The following CPPED1 variants were observed in gnomAD, a reference collection of about 807,000 sequenced individuals.
CPPED1 encodes serine/threonine-protein phosphatase CPPED1.
In CPPED1, 28 loss-of-function variants were observed where a neutral mutation model predicts 28.0. That is an observed-to-expected ratio of 1.00 (90% CI 0.74 to 1.37). CPPED1 has a LOEUF of 1.37. CPPED1 is among the 40% of genes most tolerant of loss of function. The pLI, the probability that CPPED1 is intolerant of heterozygous loss-of-function variation, is 0.00. For synonymous variants in CPPED1, 198 were observed against 180.2 expected (o/e 1.10, Z -0.79); for missense variants, 504 against 416.5 (o/e 1.21, Z -1.83).
rs2079911411 is a variant in CPPED1, at chr16:12,682,611, T to C, written c.716-17496A>G. 6.6e-6 allele frequency among the ~76,000 whole-genome samples: 1 copy of C among 152,104 alleles called. No individual in the cohort carries two copies. The highest frequency in any genetic ancestry group is 2.4e-5 in the African/African-American group (1 of 41,402). On this transcript the variant is annotated intron_variant, in intron 3 of 3. Coordinates refer to ENST00000381774, the MANE Select transcript of CPPED1 (RefSeq NM_018340.3). This position sits in a 1 kb window ranked among gnomAD's most constrained non-coding sequence, Gnocchi z 6.1. ...CCTCATTTGGAAGGCAAGACTAGTATCAACCATCCCCAGGGCCACTGGGAA... is the reference window on the plus strand; with the variant it reads ...CCTCATTTGGAAGGCAAGACTAGTACCAACCATCCCCAGGGCCACTGGGAA...
chr16:12,756,376 T>A (rs2080368261), intron 2 of CPPED1, among the ~76,000 whole-genome samples: 3 of 152,134 alleles, frequency 2.0e-5, no homozygotes. Context: ...CAAACTACTC[T>A]GGGGCTGTGG....
At chr16:12,731,862 A>G (rs1330824155) in intron 2 of CPPED1, among the ~76,000 whole-genome samples, 3 of 149,198 alleles carry the variant, frequency 2.0e-5, no homozygotes, top group South Asian at 4.3e-4. Flanking sequence ...GGGGAGGAGG[A>G]AAAAAAAAAC....
chr16:12,765,015 A>G (rs1230304235), intron 2 of CPPED1, among the ~76,000 whole-genome samples: 2 of 152,248 alleles, frequency 1.3e-5, no homozygotes, highest in Non-Finnish European at 2.9e-5. Flanking sequence ...CATGTCTGTC[A>G]TATGAACTAT....
intron 2 of CPPED1, among the ~76,000 whole-genome samples, chr16:12,712,525 A>T (rs1054092140): frequency 2.6e-5 from 4 of 152,232 alleles, no homozygotes; most frequent in Non-Finnish European, 5.9e-5. Flanking sequence ...GAGAAGATAT[A>T]AACATTTAAA....
chr16:12,701,794 C>T (rs1476656686), intron 3 of CPPED1, among the ~76,000 whole-genome samples: 1 of 152,110 alleles, frequency 6.6e-6, no homozygotes, highest in Non-Finnish European at 1.5e-5. Context: ...AGTGGACAGG[C>T]TACAGAGACA....
chr16:12,689,560 G>T (rs914394357), intron 3 of CPPED1, among the ~76,000 whole-genome samples: 7 of 151,690 alleles, frequency 4.6e-5, no homozygotes, highest in African/African-American at 1.7e-4. Context: ...AACTGTTCAT[G>T]AATGGACTGC....
At chr16:12,734,757 A>G (rs2080218356) in intron 2 of CPPED1, among the ~76,000 whole-genome samples, 2 of 152,168 alleles carry the variant, frequency 1.3e-5, no homozygotes, top group South Asian at 4.1e-4. Flanking sequence ...TTCCCATGGC[A>G]TCACTCATCA....
intron 3 of CPPED1, among the ~76,000 whole-genome samples, chr16:12,665,979 T>G (rs2079823428): frequency 6.6e-6 from 1 of 151,940 alleles, no homozygotes; most frequent in Admixed American, 6.6e-5. Context: ...TAGGAGGGCC[T>G]GGTGGCGGGC....
Position 12,733,773 on chromosome 16 carries a change from G to A in CPPED1, c.290-28724C>T, listed in dbSNP as rs1048991873. On this transcript the variant is annotated intron_variant, in intron 2 of 3. Coordinates refer to ENST00000381774, the MANE Select transcript of CPPED1 (RefSeq NM_018340.3). The stretch of plus-strand genomic sequence containing the variant: ...TATCCACAAAATTAGCTCAACTCAC[G>A]AGGGTGGCTGCCTCTAGAAGTGAGC... Among the ~76,000 whole-genome samples, 3 of 152,160 alleles carry A rather than the reference G, an allele frequency of 2.0e-5. 1 individual carries two copies. In the South Asian group the frequency reaches 6.2e-4, roughly 32 times the overall value.
intron 2 of CPPED1, among the ~76,000 whole-genome samples, chr16:12,706,225 A>G (rs536540189): frequency 6.6e-6 from 1 of 152,096 alleles, no homozygotes; most frequent in South Asian, 2.1e-4. Flanking sequence ...TAAAAGCCTC[A>G]CATGTATTCA....
chr16:12,726,340 CTTTTTTTTTTTTT>C (rs35865113), intron 2 of CPPED1, among the ~76,000 whole-genome samples: 1 of 107,386 alleles, frequency 9.3e-6, no homozygotes, highest in Non-Finnish European at 1.8e-5. Context: ...GCACCCAGCC[CTTTTTTTTTTTTT>C]TTTTTTTAAT....
intron 2 of CPPED1, among the ~76,000 whole-genome samples, chr16:12,719,607 T>TTTTCCCTCC (rs1184019899): frequency 6.6e-6 from 1 of 152,086 alleles, no homozygotes; most frequent in Non-Finnish European, 1.5e-5. Context: ...AGGATTTGAT[T>TTTTCCCTCC]TTTCCCTCCA....
At chr16:12,677,492 T>C (rs1443389603) in intron 3 of CPPED1, among the ~76,000 whole-genome samples, 1 of 152,082 alleles carries the variant, frequency 6.6e-6, no homozygotes. Flanking sequence ...TACAGAAATG[T>C]GGATGTGGAT....
chr16:12,699,459 GCA>G (rs1297413313), intron 3 of CPPED1, among the ~76,000 whole-genome samples: 7 of 152,054 alleles, frequency 4.6e-5, no homozygotes, highest in Non-Finnish European at 1.0e-4. Context: ...GTGGTCCACT[GCA>G]CAGTGACACC....
In CPPED1 at chr16:12,768,692, C is replaced by A. The variant is rs1416767759; in HGVS notation, c.289+12493G>T. ...GGGAGGAAACCAGTTTTTTCATGAA[C>A]TTCTGATATTTAGCATTTCCTTCTA... is the stretch of plus-strand genomic sequence containing the variant. On this transcript the variant is annotated intron_variant, in intron 2 of 3. Coordinates refer to ENST00000381774, the MANE Select transcript of CPPED1 (RefSeq NM_018340.3). Among the ~76,000 whole-genome samples the A allele has an allele frequency of 5.9e-5, 9 of 152,182 alleles. No homozygotes were observed. In the East Asian group the frequency reaches 1.7e-3, roughly 29 times the overall value.
At chr16:12,725,695 G>T (rs1485069062) in intron 2 of CPPED1, among the ~76,000 whole-genome samples, 1 of 152,132 alleles carries the variant, frequency 6.6e-6, no homozygotes, top group East Asian at 1.9e-4. Context: ...GAGACCTCGT[G>T]TTCAAATCTC....
intron 3 of CPPED1, among the ~76,000 whole-genome samples, chr16:12,687,399 C>T (rs946339568): frequency 1.3e-5 from 2 of 152,184 alleles, no homozygotes; most frequent in Non-Finnish European, 2.9e-5. Flanking sequence ...AGGGTCTTAG[C>T]TTTACTTTTA....
At chr16:12,730,634 A>T (rs1329744987) in intron 2 of CPPED1, among the ~76,000 whole-genome samples, 1 of 152,238 alleles carries the variant, frequency 6.6e-6, no homozygotes, top group East Asian at 1.9e-4. Context: ...TTGCTGCTAC[A>T]TGTAATAACA....
At chr16:12,782,634 C>T (rs911396951) in intron 1 of CPPED1, among the ~76,000 whole-genome samples, 4 of 150,216 alleles carry the variant, frequency 2.7e-5, no homozygotes, top group Admixed American at 6.7e-5. Flanking sequence ...CCAACATGGA[C>T]GAATCACCTG....
Sources: allele counts gnomAD v4.1 joint callset (sites outside exome capture counted in the v4.1 genomes callset), GRCh38; gene constraint gnomAD v4.1.1; non-coding constraint Gnocchi (gnomAD v3.1); transcripts MANE v1.5; gene names NCBI Gene and HGNC (gene_info 2026-07-23, HGNC 2026-07-21).